RABGEF1: variants seen among roughly 807,000 people sequenced by gnomAD.
RABGEF1 encodes RAB guanine nucleotide exchange factor 1.
In RABGEF1, 26 loss-of-function variants were observed where a neutral mutation model predicts 57.3. That is an observed-to-expected ratio of 0.45 (90% CI 0.33 to 0.63). The LOEUF is 0.63. Ranked by LOEUF, RABGEF1 falls within the 20% of genes least tolerant of loss-of-function variation. The pLI, the probability that RABGEF1 is intolerant of heterozygous loss-of-function variation, is 0.02. For missense variants in RABGEF1, 464 were observed against 607.6 expected, an observed-to-expected ratio of 0.76 and a Z score of 2.48; for synonymous variants, 185 against 210.7, an observed-to-expected ratio of 0.88 and a Z score of 1.06.
chr7:66,661,389 C>T, the RABGEF1 span, among the ~76,000 whole-genome samples: 7 of 150,582 alleles, frequency 4.6e-5, no homozygotes, highest in East Asian at 1.4e-3. Context: ...GGTACACTAG[C>T]AAATTGAATA....
intron 2 of RABGEF1, among the ~76,000 whole-genome samples, chr7:66,723,958 C>A (rs1796324499): frequency 6.6e-6 from 1 of 152,158 alleles, no homozygotes. Flanking sequence ...TAGTGCTTTT[C>A]ATTGTCTTGT....
At chr7:66,790,178 GT>G (rs1812293651) in intron 4 of RABGEF1, among the ~76,000 whole-genome samples, 1 of 152,200 alleles carries the variant, frequency 6.6e-6, no homozygotes, top group Non-Finnish European at 1.5e-5. Flanking sequence ...GCAACACAGT[GT>G]GTTCCAGAAG....
intron 8 of RABGEF1, among the ~76,000 whole-genome samples, chr7:66,807,622 C>G (rs1788727613): frequency 1.3e-5 from 2 of 152,202 alleles, no homozygotes; most frequent in South Asian, 4.1e-4. Context: ...TTGTTCAGAG[C>G]TACTTCCCCT....
chr7:66,729,172 G>A (rs543462010), intron 2 of RABGEF1, among the ~76,000 whole-genome samples: 22 of 151,438 alleles, frequency 1.5e-4, no homozygotes, highest in African/African-American at 4.6e-4. Context: ...GGATTGTCTC[G>A]ATCTCCTGAC....
At chr7:66,731,604 C>T (rs1797325079) in intron 2 of RABGEF1, among the ~76,000 whole-genome samples, 2 of 152,250 alleles carry the variant, frequency 1.3e-5, no homozygotes, top group Admixed American at 1.3e-4. Context: ...GTAGTTCCTA[C>T]TACTCAGGAG....
At chr7:66,674,354 T>G in the RABGEF1 span, among the ~76,000 whole-genome samples, 3 of 152,174 alleles carry the variant, frequency 2.0e-5, no homozygotes, top group African/African-American at 7.2e-5. Flanking sequence ...CACACCTGGC[T>G]GATTTTTTTT....
At chr7:66,692,371 G>C (rs1791651233) in intron 1 of RABGEF1, among the ~76,000 whole-genome samples, 1 of 152,084 alleles carries the variant, frequency 6.6e-6, no homozygotes, top group South Asian at 2.1e-4. Context: ...TAAAAGTTCT[G>C]CACCTACAGC....
chr7:66,729,597 TACCTTC>T, intron 2 of RABGEF1, among the ~76,000 whole-genome samples: 1 of 150,890 alleles, frequency 6.6e-6, no homozygotes, highest in Non-Finnish European at 1.5e-5. Flanking sequence ...CTTCCACCTT[TACCTTC>T]ACCTTCACAC....
chr7:66,795,786 A>G (rs997885850), intron 5 of RABGEF1, among the ~76,000 whole-genome samples, 194 bp downstream of exon 5: 28 of 152,184 alleles, frequency 1.8e-4, no homozygotes, highest in African/African-American at 6.5e-4. Context: ...TCCAGGAGCA[A>G]TTGGATAATT....
upstream of RABGEF1, among the ~76,000 whole-genome samples, chr7:66,737,739 T>G (rs1798170981): frequency 6.6e-6 from 1 of 152,164 alleles, no homozygotes; most frequent in Admixed American, 6.5e-5. Flanking sequence ...TTGCCTGTAG[T>G]CACAGCTACT....
chr7:66,785,359 ATC>A (rs1345636334), intron 4 of RABGEF1, among the ~76,000 whole-genome samples: 1 of 152,170 alleles, frequency 6.6e-6, no homozygotes, highest in Non-Finnish European at 1.5e-5. Context: ...TATCTCAGGT[ATC>A]TTTAGTGTGA....
chr7:66,673,154 C>T, the RABGEF1 span, among the ~76,000 whole-genome samples: 4 of 136,532 alleles, frequency 2.9e-5, no homozygotes, highest in Non-Finnish European at 4.7e-5. Context: ...CAGGAGATGG[C>T]GACATTCTTA....
At chr7:66,720,191 A>ATTT (rs1491058503) in intron 2 of RABGEF1, among the ~76,000 whole-genome samples, 4 of 79,866 alleles carry the variant, frequency 5.0e-5, no homozygotes, top group Non-Finnish European at 5.8e-5. Flanking sequence ...TATTATTATT[A>ATTT]TTATTTTTTT....
intron 1 of RABGEF1, among the ~76,000 whole-genome samples, chr7:66,746,007 T>C (rs1168478717): frequency 6.6e-6 from 1 of 152,178 alleles, no homozygotes; most frequent in Admixed American, 6.5e-5. Context: ...GAAAATCTTA[T>C]TAAATGTACA....
At position 66,726,608 on chromosome 7, in the gene RABGEF1, C is replaced by T. The variant is rs111230641; in HGVS notation, c.-814-13388C>T. Among the ~76,000 whole-genome samples the T allele has an allele frequency of 2.8e-3, 427 of 152,150 alleles. 1 individual carries two copies. Among genetic ancestry groups the T allele is most frequent in the African/African-American group, 9.9e-3 (411 of 41,516 alleles). On this transcript the variant is annotated intron_variant and NMD_transcript_variant, in intron 2 of 9. Coordinates refer to the RABGEF1 transcript ENST00000607882. ...GAAACTCCTGTTGGGCTCAAGTAAT[C>T]CCCCGACCTCAGCCTCCCAAAGTGC...
At chr7:66,700,123 G>A (rs1352690648) in intron 1 of RABGEF1, among the ~76,000 whole-genome samples, 1 of 152,216 alleles carries the variant, frequency 6.6e-6, no homozygotes, top group Non-Finnish European at 1.5e-5. Flanking sequence ...TGAGGCTTGG[G>A]TGAAGGGAGG....
At chr7:66,786,007 C>T (rs912458165) in intron 4 of RABGEF1, among the ~76,000 whole-genome samples, 1 of 152,174 alleles carries the variant, frequency 6.6e-6, no homozygotes, top group African/African-American at 2.4e-5. Flanking sequence ...TCCATTCTTA[C>T]CTGTTTAAAA....
chr7:66,731,706 G>A (rs1476479596), intron 2 of RABGEF1, among the ~76,000 whole-genome samples: 5 of 152,142 alleles, frequency 3.3e-5, no homozygotes, highest in Admixed American at 6.5e-5. Context: ...GACAGAGAGC[G>A]AGACCTTGTC....
chr7:66,747,727 T>A (rs914012128), intron 1 of RABGEF1, among the ~76,000 whole-genome samples: 5 of 152,166 alleles, frequency 3.3e-5, no homozygotes, highest in Non-Finnish European at 7.4e-5. Flanking sequence ...TTGGAGCACA[T>A]AAAAGAAAAT....
Sources: gnomAD v4.1 joint callset for allele counts (sites outside exome capture counted in the v4.1 genomes callset) on GRCh38, gnomAD v4.1.1 for gene constraint, MANE v1.5 for transcripts, NCBI Gene and HGNC (gene_info 2026-07-23, HGNC 2026-07-21) for gene names.